TRDN: variants seen among roughly 807,000 people sequenced by gnomAD.
TRDN encodes triadin in skeletal muscle.
A neutral mutation model predicts 149.7 loss-of-function variants in TRDN; 161 were observed. That is an observed-to-expected ratio of 1.08 (90% CI 0.95 to 1.23). The LOEUF (loss-of-function observed/expected upper bound fraction) is 1.23, where lower values mean the gene tolerates loss of function less well. Ranked by LOEUF, TRDN falls within the 50% of genes most tolerant of loss-of-function variation. The probability of loss-of-function intolerance (pLI) is 0.00; values close to 1 mark genes in which losing one functional copy is unlikely to be tolerated. For missense variants in TRDN, 896 were observed against 823.5 expected (o/e 1.09, Z -1.08); for synonymous variants, 294 against 250.5 (o/e 1.17, Z -1.64).
intron 36 of TRDN, 112 bp downstream of exon 36, chr6:123,255,755 T>C: frequency 1.8e-6 from 1 of 544,722 alleles, no homozygotes; most frequent in East Asian, 4.3e-5. Context: ...AGGCTAACAC[T>C]CATCACATAC....
Position 123,507,485 on chromosome 6 carries a change from A to G in TRDN, c.611-3584T>C, listed in dbSNP as rs6919042. On this transcript the variant is annotated intron_variant, in intron 7 of 40. Coordinates refer to ENST00000334268, the MANE Select transcript of TRDN (RefSeq NM_006073.4). ...CTGGAAATAGATAACTTTGCCTCAT[A>G]GTAGAAAAAAATGAGTGACAACTAA... 4.5e-3 allele frequency among the ~76,000 whole-genome samples: 680 copies of G among 152,262 alleles called. 2 individuals are homozygous for G. The highest frequency in any genetic ancestry group is 0.015 in the African/African-American group (615 of 41,572).
intron 38 of TRDN, among the ~76,000 whole-genome samples, chr6:123,225,287 G>C (rs184842845): frequency 6.6e-6 from 1 of 151,850 alleles, no homozygotes; most frequent in East Asian, 1.9e-4. Context: ...TGATGGGAAT[G>C]TAAATTGGTA....
intron 23 of TRDN, among the ~76,000 whole-genome samples, chr6:123,326,402 C>G (rs1779458279): frequency 6.6e-6 from 1 of 151,964 alleles, no homozygotes; most frequent in African/African-American, 2.4e-5. Flanking sequence ...AAAGTCCCAT[C>G]TCACTTCAGT....
At chr6:123,245,353 C>T (rs955657324) in intron 38 of TRDN, among the ~76,000 whole-genome samples, 2 of 151,854 alleles carry the variant, frequency 1.3e-5, no homozygotes, top group African/African-American at 4.8e-5. Flanking sequence ...AGACACGTCA[C>T]ACATGCAAAT....
At chr6:123,224,689 G>C (rs1775292528) in intron 38 of TRDN, among the ~76,000 whole-genome samples, 1 of 151,692 alleles carries the variant, frequency 6.6e-6, no homozygotes, top group African/African-American at 2.4e-5. Context: ...ATACTGTTGG[G>C]AAAACTGGAT....
At chr6:123,262,334 T>C (rs1032356740) in intron 33 of TRDN, among the ~76,000 whole-genome samples, 4 of 151,972 alleles carry the variant, frequency 2.6e-5, no homozygotes, top group African/African-American at 7.2e-5. Flanking sequence ...CAATTGAAAG[T>C]AGATAAGAGA....
At chr6:123,635,276 A>G (rs554047653) in intron 1 of TRDN, among the ~76,000 whole-genome samples, 9 of 151,936 alleles carry the variant, frequency 5.9e-5, no homozygotes, top group Non-Finnish European at 1.2e-4. Context: ...CAAATTCTGA[A>G]CTAAAATTGG....
intron 7 of TRDN, among the ~76,000 whole-genome samples, chr6:123,508,894 T>C (rs1377173836): frequency 6.6e-6 from 1 of 152,190 alleles, no homozygotes; most frequent in Non-Finnish European, 1.5e-5. Context: ...ATAGAAGGCT[T>C]ATGACTTTTT....
intron 7 of TRDN, 56 bp downstream of exon 7, chr6:123,512,247 T>A: frequency 1.9e-6 from 2 of 1,062,044 alleles, no homozygotes; most frequent in Non-Finnish European, 2.7e-6. Flanking sequence ...TACCCAAAAA[T>A]TAATCTTTCA....
chr6:123,380,284 T>C (rs539948258), intron 16 of TRDN, among the ~76,000 whole-genome samples: 493 of 152,352 alleles, frequency 3.2e-3, no homozygotes, highest in Non-Finnish European at 5.7e-3. Flanking sequence ...GCAGGAACTT[T>C]TAAATCTTAT....
rs1436029625 is a variant in TRDN, at chr6:123,614,699, A to G, written c.22+22055T>C. On this transcript the variant is annotated intron_variant, in intron 1 of 40. Coordinates refer to ENST00000334268, the MANE Select transcript of TRDN (RefSeq NM_006073.4). ...GTAAGGCCTGAAACCATGAAACTACAGGAAAATTTAGGGGAATTCCTTTAA... is the reference window on the plus strand; with the variant it reads ...GTAAGGCCTGAAACCATGAAACTACGGGAAAATTTAGGGGAATTCCTTTAA... Among the ~76,000 whole-genome samples the G allele has an allele frequency of 2.0e-5, 3 of 152,126 alleles. No individual in the cohort carries two copies. In the East Asian group the frequency reaches 5.8e-4, roughly 29 times the overall value.
At chr6:123,316,885 TTTTGTC>T (rs1464657125) in intron 23 of TRDN, among the ~76,000 whole-genome samples, 1 of 151,772 alleles carries the variant, frequency 6.6e-6, no homozygotes, top group Non-Finnish European at 1.5e-5. Flanking sequence ...ACTTAAGCAA[TTTTGTC>T]TTTGACTACC....
intron 33 of TRDN, among the ~76,000 whole-genome samples, chr6:123,262,507 A>G (rs1776807996): frequency 6.6e-6 from 1 of 152,214 alleles, no homozygotes; most frequent in Non-Finnish European, 1.5e-5. Flanking sequence ...ATCCTGGTCC[A>G]GTGTCATAGA....
At chr6:123,222,467 G>A (rs1414164016) in intron 39 of TRDN, among the ~76,000 whole-genome samples, 2 of 132,332 alleles carry the variant, frequency 1.5e-5, no homozygotes, top group Admixed American at 8.6e-5. Context: ...AAACCTATTA[G>A]GGTGGCTAGT....
intron 4 of TRDN, among the ~76,000 whole-genome samples, chr6:123,538,064 T>C (rs1201398252): frequency 6.6e-6 from 1 of 152,188 alleles, no homozygotes; most frequent in Admixed American, 6.5e-5. Flanking sequence ...ATAATCTCTG[T>C]CATCAAGGCA....
At chr6:123,265,391 G>A (rs1776906788) in intron 32 of TRDN, 53 bp from the exon 33 acceptor site, 2 of 1,201,804 alleles carry the variant, frequency 1.7e-6, no homozygotes, top group African/African-American at 1.6e-5. Context: ...TTCTATCTAT[G>A]GGTGACATAT....
intron 2 of TRDN, among the ~76,000 whole-genome samples, chr6:123,564,941 G>A (rs948198344): frequency 6.6e-6 from 1 of 152,166 alleles, no homozygotes; most frequent in African/African-American, 2.4e-5. Context: ...AATGAATGAT[G>A]ATCCTTGTTC....
At chr6:123,247,754 A>G (rs1402680895) in intron 38 of TRDN, among the ~76,000 whole-genome samples, 1 of 152,202 alleles carries the variant, frequency 6.6e-6, no homozygotes, top group Admixed American at 6.6e-5. Flanking sequence ...ACTACTTTAG[A>G]TTTCATATGG....
chr6:123,310,363 T>C (rs1198207545), intron 24 of TRDN, among the ~76,000 whole-genome samples: 1 of 151,992 alleles, frequency 6.6e-6, no homozygotes, highest in Admixed American at 6.6e-5. Flanking sequence ...GATATATAAA[T>C]CCAGCATAAG....
Sources: allele counts gnomAD v4.1 joint callset (sites outside exome capture counted in the v4.1 genomes callset), GRCh38; gene constraint gnomAD v4.1.1; transcripts MANE v1.5; gene names NCBI Gene and HGNC (gene_info 2026-07-23, HGNC 2026-07-21).